Variants in MYO6 observed in about 807,000 individuals in gnomAD.
The protein encoded by MYO6 is unconventional myosin-VI.
A neutral mutation model predicts 178.7 loss-of-function variants in MYO6; 74 were observed. The observed-to-expected ratio is 0.41, with a 90% confidence interval of 0.34 to 0.50. The LOEUF (loss-of-function observed/expected upper bound fraction) is 0.50. Ranked by LOEUF, MYO6 falls within the 20% of genes least tolerant of loss-of-function variation. The pLI is 0.09. For missense variants in MYO6, 1,330 were observed against 1,547.4 expected, an observed-to-expected ratio of 0.86 and a Z score of 2.36; for synonymous variants, 477 against 504.6, an observed-to-expected ratio of 0.95 and a Z score of 0.73.
intron 3 of MYO6, among the ~76,000 whole-genome samples, chr6:75,823,673 T>C (rs1303881603): frequency 6.6e-6 from 1 of 152,228 alleles, no homozygotes; most frequent in African/African-American, 2.4e-5. Context: ...CCCCCATATG[T>C]AGAATGGTGG....
chr6:75,833,001 C>A (rs1404262211), intron 6 of MYO6, 54 bp downstream of exon 6: 2 of 1,261,682 alleles, frequency 1.6e-6, no homozygotes, highest in Non-Finnish European at 2.3e-6. Context: ...TTTTTTCCCC[C>A]CTTGAGATAG....
chr6:75,825,949 T>A (rs1458616855), intron 3 of MYO6, among the ~76,000 whole-genome samples: 1 of 152,192 alleles, frequency 6.6e-6, no homozygotes, highest in Non-Finnish European at 1.5e-5. Flanking sequence ...GTTTCAAAAT[T>A]TTAATATTCT....
intron 3 of MYO6, among the ~76,000 whole-genome samples, chr6:75,826,456 C>T (rs1198792680): frequency 6.6e-6 from 1 of 152,114 alleles, no homozygotes; most frequent in Non-Finnish European, 1.5e-5. Flanking sequence ...TTAGCGTTCA[C>T]AGGGGAAGCG....
At chr6:75,837,172 T>C (rs918490912) in intron 7 of MYO6, among the ~76,000 whole-genome samples, 16 of 152,212 alleles carry the variant, frequency 1.1e-4, no homozygotes, top group African/African-American at 3.9e-4. Flanking sequence ...ATGGTGGTAA[T>C]AACATATATG....
Position 75,806,924 on chromosome 6 carries a change from G to T in MYO6, c.-47-10577G>T, listed in dbSNP as rs528579405. 9.7e-4 allele frequency among the ~76,000 whole-genome samples: 147 copies of T among 152,294 alleles called. 1 individual carries two copies. Among genetic ancestry groups the T allele is most frequent in the African/African-American group, 3.1e-3 (130 of 41,570 alleles). On this transcript the variant is annotated intron_variant, in intron 1 of 34. Coordinates refer to ENST00000369977, the MANE Select transcript of MYO6 (RefSeq NM_004999.4). ...CACACCTCTATATTTCTGTGTGTGTGTGTGTCTTTAATTCCTCTAGTGCCA... is the reference window on the plus strand; with the variant it reads ...CACACCTCTATATTTCTGTGTGTGTTTGTGTCTTTAATTCCTCTAGTGCCA...
chr6:75,866,299 G>GTGTGTGTT, intron 16 of MYO6, among the ~76,000 whole-genome samples: 1 of 151,582 alleles, frequency 6.6e-6, no homozygotes, highest in East Asian at 1.9e-4. Flanking sequence ...GTGTGTGTGT[G>GTGTGTGTT]TGTGTGTGTC....
chr6:75,802,896 G>T (rs907116770), intron 1 of MYO6, among the ~76,000 whole-genome samples: 1 of 152,128 alleles, frequency 6.6e-6, no homozygotes, highest in Non-Finnish European at 1.5e-5. Flanking sequence ...AATCACCTGG[G>T]ATGAATATCT....
chr6:75,903,256 G>A (rs904901257), intron 30 of MYO6, among the ~76,000 whole-genome samples: 5 of 152,032 alleles, frequency 3.3e-5, no homozygotes, highest in Non-Finnish European at 7.4e-5. Flanking sequence ...TTGGTGCAGA[G>A]CTGAGTTCAA....
rs969351752 is a variant in MYO6, at chr6:75,817,618, T to C, written c.71T>C (p.Ile24Thr). 6.2e-7 allele frequency: 1 copy of C among 1,614,188 alleles called. No individual in the cohort carries two copies. The highest frequency in any genetic ancestry group is 8.5e-7 in the Non-Finnish European group (1 of 1,180,034). Residue 24 changes from isoleucine (I) to threonine (T), a missense_variant, in exon 2 of 35, where the codon ATT (isoleucine) becomes ACT (threonine). Transcript: ENST00000369977. The stretch of plus-strand genomic sequence containing the variant: ...TTTCAGATGGGCAATATTGTGGATA[T>C]TGGCCCCGACAGCTTAACAATTGAA... Reference protein sequence around the residue: ...DGFQMGNIVDIGPDSLTIEPL... With the variant: ...DGFQMGNIVDTGPDSLTIEPL...
intron 32 of MYO6, among the ~76,000 whole-genome samples, chr6:75,909,947 TTGAG>T (rs1487559954): frequency 4.6e-5 from 7 of 152,178 alleles, no homozygotes; most frequent in Non-Finnish European, 8.8e-5. Flanking sequence ...AAAGAATAGA[TTGAG>T]TGAGGGCAAT....
chr6:75,869,401 C>G (rs1270869161), intron 18 of MYO6, among the ~76,000 whole-genome samples: 1 of 152,024 alleles, frequency 6.6e-6, no homozygotes, highest in African/African-American at 2.4e-5. Context: ...TTATTAGCTC[C>G]GTAACCTCGG....
chr6:75,914,352 T>G (rs772232107), intron 34 of MYO6, 71 bp downstream of exon 34: 51 of 1,378,900 alleles, frequency 3.7e-5, no homozygotes, highest in Admixed American at 2.9e-4. Context: ...TGAAACATTC[T>G]AATGTATAAT....
intron 1 of MYO6, among the ~76,000 whole-genome samples, chr6:75,772,121 C>T (rs1765954419): frequency 1.3e-5 from 2 of 152,016 alleles, no homozygotes; most frequent in Non-Finnish European, 2.9e-5. Flanking sequence ...TCTGGCCTAC[C>T]GTATCTAAAC....
chr6:75,784,240 G>T (rs1767283966), intron 1 of MYO6, among the ~76,000 whole-genome samples: 1 of 151,858 alleles, frequency 6.6e-6, no homozygotes, highest in African/African-American at 2.4e-5. Flanking sequence ...CAAAGTGCTG[G>T]GATTACAGGT....
Position 75,916,121 on chromosome 6 carries a change from A to G in MYO6, c.*1109A>G, listed in dbSNP as rs1415018533. On this transcript the variant is annotated 3_prime_UTR_variant, in exon 35 of 35. Transcript: ENST00000369977. ...TCAAATGTCAGCAGCTTTAAGCCTA[A>G]TATTTATGACTTTCACATTTGGAAT... The G allele has an allele frequency of 2.0e-5, 3 of 152,190 alleles. No individual in the cohort carries two copies. The highest frequency in any genetic ancestry group is 2.1e-4 in the South Asian group (1 of 4,830). The allele number at this position is 152,190 out of a possible 1,614,324, so 9.4% of individuals were successfully genotyped here. A position where few individuals can be genotyped will look rare whatever the true frequency, so the allele number is the denominator to read the frequency against.
At chr6:75,913,988 G>A in intron 33 of MYO6, 75 bp from the exon 34 acceptor site, 1 of 1,298,820 alleles carries the variant, frequency 7.7e-7, no homozygotes, top group Non-Finnish European at 1.1e-6. Flanking sequence ...AAATTATTGG[G>A]GTATATTTTA....
At chr6:75,853,230 G>A (rs1430160316) in intron 11 of MYO6, among the ~76,000 whole-genome samples, 1 of 152,086 alleles carries the variant, frequency 6.6e-6, no homozygotes, top group Non-Finnish European at 1.5e-5. Context: ...TATATTCTAA[G>A]TACAAGTCCT....
intron 30 of MYO6, among the ~76,000 whole-genome samples, chr6:75,899,126 C>T (rs1260064218): frequency 2.0e-5 from 3 of 151,978 alleles, no homozygotes; most frequent in Non-Finnish European, 4.4e-5. Flanking sequence ...AAATGTGTTG[C>T]ATTGATGTAC....
At chr6:75,914,391 G>C (rs1780997333) in intron 34 of MYO6, 110 bp downstream of exon 34, 2 of 1,121,174 alleles carry the variant, frequency 1.8e-6, no homozygotes, top group Non-Finnish European at 2.6e-6. Flanking sequence ...TCAGGGTTGA[G>C]GGATGGAGTC....
Sources: gnomAD v4.1 joint callset for allele counts (sites outside exome capture counted in the v4.1 genomes callset) on GRCh38, gnomAD v4.1.1 for gene constraint, MANE v1.5 for transcripts, NCBI Gene and HGNC (gene_info 2026-07-23, HGNC 2026-07-21) for gene names.